Variants in DPP6 observed in about 807,000 individuals in gnomAD.
DPP6 encodes dipeptidyl peptidase like 6, also known as A-type potassium channel modulatory protein DPP6.
DPP6 carries 69 observed loss-of-function variants against 122.6 expected under a neutral mutation model. The observed-to-expected ratio is 0.56, with a 90% CI of 0.46 to 0.69. The LOEUF (loss-of-function observed/expected upper bound fraction) is 0.69, where lower values mean the gene tolerates loss of function less well. DPP6 is among the 30% of genes least tolerant of loss of function. DPP6 has a pLI of 0.00. For synonymous variants in DPP6, 418 were observed against 433.1 expected (o/e 0.97, Z 0.43); for missense variants, 928 against 1,116.9 (o/e 0.83, Z 2.41).
intron 10 of DPP6, among the ~76,000 whole-genome samples, chr7:154,790,979 CGGT>C (rs1175885640): frequency 6.6e-6 from 1 of 152,068 alleles, no homozygotes; most frequent in African/African-American, 2.4e-5. Context: ...AGGCTGGGCA[CGGT>C]GGTCCATGCC....
chr7:154,486,866 A>C lies in DPP6; in HGVS notation c.457+11829A>C, dbSNP rs1471762001. On this transcript the variant is annotated intron_variant, in intron 3 of 25. Coordinates refer to ENST00000377770, the MANE Select transcript of DPP6 (RefSeq NM_130797.4). The surrounding 1 kb of genome is among the most constrained non-coding windows in gnomAD (Gnocchi z 4.5). The stretch of plus-strand genomic sequence containing the variant: ...GTCCTCTGGGCGGACTCTAGTTCCT[A>C]ACTGATGGATGATGCTGGGCCCCGC... Among the ~76,000 whole-genome samples the C allele has an allele frequency of 1.3e-5, 2 of 152,096 alleles. No homozygotes were observed. Among genetic ancestry groups the C allele is most frequent in the Admixed American group, 6.5e-5 (1 of 15,272 alleles).
At chr7:154,836,864 G>A (rs988022901) in intron 16 of DPP6, among the ~76,000 whole-genome samples, 2 of 151,988 alleles carry the variant, frequency 1.3e-5, no homozygotes, top group South Asian at 2.1e-4. Context: ...CTGCCACCAC[G>A]CCCAGCTAAT....
intron 3 of DPP6, among the ~76,000 whole-genome samples, chr7:154,513,634 TG>T (rs1426010460): frequency 1.3e-5 from 2 of 152,118 alleles, no homozygotes; most frequent in African/African-American, 2.4e-5. Context: ...ATGTCCACCC[TG>T]GGAAACATGG....
At chr7:153,957,793 CA>C (rs575473288) in intron 1 of DPP6, among the ~76,000 whole-genome samples, 85 of 152,302 alleles carry the variant, frequency 5.6e-4, no homozygotes, top group African/African-American at 1.9e-3. Flanking sequence ...TTAACTTTCT[CA>C]ACAAGTTTAC....
At chr7:154,820,203 C>G (rs952740892) in intron 16 of DPP6, among the ~76,000 whole-genome samples, 3 of 152,188 alleles carry the variant, frequency 2.0e-5, no homozygotes, top group African/African-American at 7.2e-5. Context: ...CTGCAGCACA[C>G]GGGACACGCG....
chr7:154,439,839 G>A (rs989319309), intron 1 of DPP6, among the ~76,000 whole-genome samples: 1 of 152,226 alleles, frequency 6.6e-6, no homozygotes, highest in Non-Finnish European at 1.5e-5. Flanking sequence ...GTCATGTTAT[G>A]TAAAATAGGC....
chr7:153,772,913 T>C, the DPP6 span, among the ~76,000 whole-genome samples: 3 of 145,914 alleles, frequency 2.1e-5, no homozygotes, highest in African/African-American at 4.9e-5. Context: ...TATATTATTA[T>C]ATAATAATAT....
intron 1 of DPP6, among the ~76,000 whole-genome samples, chr7:154,110,563 T>C (rs898916477): frequency 4.6e-5 from 7 of 151,936 alleles, no homozygotes; most frequent in Non-Finnish European, 7.4e-5. Flanking sequence ...GTACAAACAA[T>C]AGAGCAGAAG....
intron 3 of DPP6, among the ~76,000 whole-genome samples, chr7:154,484,131 A>G (rs1362989372): frequency 2.6e-5 from 4 of 152,306 alleles, no homozygotes; most frequent in East Asian, 1.9e-4. Flanking sequence ...ACTAATTTAT[A>G]TGGCAAATAC....
the DPP6 span, among the ~76,000 whole-genome samples, chr7:153,809,047 C>T: frequency 2.6e-5 from 4 of 151,366 alleles, no homozygotes; most frequent in Admixed American, 6.6e-5. Context: ...CTTCACGTCC[C>T]CACCAACACT....
chr7:154,059,020 C>G (rs1801255469), intron 1 of DPP6: 1 of 147,022 alleles, frequency 6.8e-6, no homozygotes, highest in Non-Finnish European at 1.5e-5. Flanking sequence ...TTAGGACCCC[C>G]ATCGCAGAGG....
At chr7:154,705,064 C>T (rs1416949259) in intron 7 of DPP6, among the ~76,000 whole-genome samples, 2 of 152,122 alleles carry the variant, frequency 1.3e-5, no homozygotes, top group African/African-American at 4.8e-5. Flanking sequence ...ACAAGGAGCT[C>T]CTCCAGGGCA....
At position 154,240,362 on chromosome 7, in the gene DPP6, A is replaced by G. The variant is rs550077402; in HGVS notation, c.243+187299A>G. Among the ~76,000 whole-genome samples the G allele has an allele frequency of 1.4e-4, 22 of 152,276 alleles. No individual in the cohort carries two copies. The South Asian group carries it at 4.6e-3, about 32-fold the overall frequency. On this transcript the variant is annotated intron_variant, in intron 1 of 25. Transcript: ENST00000377770. ...GATGAAAAAATCTGCTCTTTCCTGA[A>G]CTGACCAGCCTTCCCTGACTGTGCA...
At chr7:154,249,206 A>G (rs796957368) in intron 1 of DPP6, among the ~76,000 whole-genome samples, 7 of 152,370 alleles carry the variant, frequency 4.6e-5, no homozygotes, top group African/African-American at 1.4e-4. Context: ...TAAATAGCTT[A>G]GTCAAAAATG....
intron 5 of DPP6, among the ~76,000 whole-genome samples, chr7:154,630,214 T>G (rs770750060): frequency 3.9e-5 from 6 of 152,190 alleles, no homozygotes; most frequent in Non-Finnish European, 8.8e-5. Flanking sequence ...CACCCTCTTC[T>G]GCTGGCCTCA....
At chr7:154,413,283 A>G (rs940026518) in intron 1 of DPP6, among the ~76,000 whole-genome samples, 16 of 152,326 alleles carry the variant, frequency 1.1e-4, no homozygotes, top group African/African-American at 2.9e-4. Context: ...CTCAAACACT[A>G]TATCTGATGT....
intron 1 of DPP6, among the ~76,000 whole-genome samples, chr7:153,945,362 C>T (rs1801902004): frequency 6.6e-6 from 1 of 152,006 alleles, no homozygotes; most frequent in Non-Finnish European, 1.5e-5. Context: ...TAATGGAAGC[C>T]AGAAGCTGGG....
At chr7:154,369,625 C>A (rs1812474886) in intron 1 of DPP6, among the ~76,000 whole-genome samples, 1 of 152,178 alleles carries the variant, frequency 6.6e-6, no homozygotes. Context: ...CTTGGCCTCC[C>A]AAAGTGCTGG....
intron 1 of DPP6, among the ~76,000 whole-genome samples, chr7:154,115,517 C>G (rs1401941954): frequency 6.6e-6 from 1 of 152,148 alleles, no homozygotes; most frequent in Non-Finnish European, 1.5e-5. Context: ...TGCAAAAAGC[C>G]CAGTGCAGAT....
Sources: allele counts gnomAD v4.1 joint callset (sites outside exome capture counted in the v4.1 genomes callset), GRCh38; gene constraint gnomAD v4.1.1; non-coding constraint Gnocchi (gnomAD v3.1); transcripts MANE v1.5; gene names NCBI Gene and HGNC (gene_info 2026-07-23, HGNC 2026-07-21).